Variants in ADGRL3 observed in about 807,000 individuals in gnomAD.
ADGRL3 encodes the protein adhesion G protein-coupled receptor L3.
ADGRL3 carries 62 observed loss-of-function variants against 153.5 expected under a neutral mutation model. That is an observed-to-expected ratio of 0.40 (90% CI 0.33 to 0.50). The LOEUF (loss-of-function observed/expected upper bound fraction) is 0.50, where lower values mean the gene tolerates loss of function less well. Among genes scored for constraint, ADGRL3 ranks in the 20% least tolerant of loss-of-function variants. The pLI, the probability that ADGRL3 is intolerant of heterozygous loss-of-function variation, is 0.47. For missense variants in ADGRL3, 1,641 were observed against 1,859.4 expected (o/e 0.88, Z 2.16); for synonymous variants, 710 against 672.5 (o/e 1.06, Z -0.86).
chr4:61,851,897 C>A (rs962861745), intron 9 of ADGRL3, among the ~76,000 whole-genome samples: 1 of 152,104 alleles, frequency 6.6e-6, no homozygotes, highest in East Asian at 1.9e-4. Flanking sequence ...ACTTGTTTTG[C>A]CACACACCTA....
chr4:61,709,948 A>G (rs1184899220), intron 6 of ADGRL3, among the ~76,000 whole-genome samples: 1 of 152,202 alleles, frequency 6.6e-6, no homozygotes, highest in Non-Finnish European at 1.5e-5. Flanking sequence ...ACCATGATAT[A>G]GCCATGCTAT....
At chr4:61,353,600 A>ATTTTTTTT (rs34199193) in intron 1 of ADGRL3, among the ~76,000 whole-genome samples, 3 of 118,840 alleles carry the variant, frequency 2.5e-5, no homozygotes, top group Non-Finnish European at 3.3e-5. Flanking sequence ...TTTTCTTTCA[A>ATTTTTTTT]TTTTTTTTTT....
At chr4:61,857,860 G>A (rs1037205068) in intron 9 of ADGRL3, among the ~76,000 whole-genome samples, 1 of 152,078 alleles carries the variant, frequency 6.6e-6, no homozygotes, top group East Asian at 1.9e-4. Flanking sequence ...CTGCAGGCAA[G>A]CACCACCATT....
chr4:61,980,304 T>C (rs1475795666), intron 18 of ADGRL3, among the ~76,000 whole-genome samples: 3 of 127,278 alleles, frequency 2.4e-5, no homozygotes, highest in African/African-American at 8.6e-5. Flanking sequence ...TGGTAACCAC[T>C]AATTTTTTTT....
intron 15 of ADGRL3, 36 bp from the exon 16 acceptor site, chr4:61,946,878 A>T: frequency 6.7e-7 from 1 of 1,482,288 alleles, no homozygotes; most frequent in Non-Finnish European, 9.4e-7. Flanking sequence ...ATTTAAGTAG[A>T]GTGGACAAAC....
intron 5 of ADGRL3, among the ~76,000 whole-genome samples, chr4:61,668,125 A>G (rs552882125): frequency 2.0e-5 from 3 of 152,272 alleles, no homozygotes; most frequent in East Asian, 3.9e-4. Flanking sequence ...ATTATCTTGG[A>G]TTATCAAGGT....
At chr4:61,929,111 T>G (rs561766092) in intron 13 of ADGRL3, among the ~76,000 whole-genome samples, 2 of 152,278 alleles carry the variant, frequency 1.3e-5, no homozygotes, top group East Asian at 3.9e-4. Context: ...TGTTGAAACT[T>G]ACTCCCCGGT....
At chr4:61,736,106 T>C (rs1013748952) in intron 8 of ADGRL3, among the ~76,000 whole-genome samples, 1 of 152,110 alleles carries the variant, frequency 6.6e-6, no homozygotes, top group Non-Finnish European at 1.5e-5. Flanking sequence ...AGTATACATA[T>C]TCATATGGTT....
intron 2 of ADGRL3, chr4:61,420,477 T>G (rs1396665729): frequency 1.4e-5 from 2 of 143,676 alleles, no homozygotes; most frequent in African/African-American, 5.2e-5. Flanking sequence ...CGCCATCTCG[T>G]CTCACTGAAA....
intron 5 of ADGRL3, among the ~76,000 whole-genome samples, chr4:61,599,450 A>G (rs2099001963): frequency 6.6e-6 from 1 of 152,186 alleles, no homozygotes; most frequent in Non-Finnish European, 1.5e-5. Context: ...CTCCCGCCTC[A>G]GCCTCCTGAG....
chr4:61,783,801 A>G (rs1351582678), intron 8 of ADGRL3, among the ~76,000 whole-genome samples: 1 of 152,088 alleles, frequency 6.6e-6, no homozygotes, highest in Non-Finnish European at 1.5e-5. Context: ...AATAATATAC[A>G]TCTTATTAAA....
In ADGRL3 at chr4:61,733,458, G is replaced by A; in HGVS notation, c.1303G>A (p.Val435Met). The change falls in exon 8 of 27, where the codon GTG becomes ATG. Residue 435 changes from valine to methionine, a missense_variant. By Grantham distance (21) the Val-to-Met change is conservative (BLOSUM62 1). Coordinates refer to ENST00000683033, the MANE Select transcript of ADGRL3 (RefSeq NM_001387552.1). ...FPNSYQYIAAVDYNPRDNLLY... is the reference protein window; with the variant it reads ...FPNSYQYIAAMDYNPRDNLLY... ...TAATTCATACCAGTACATTGCAGCT[G>A]TGGATTACAACCCCAGGGACAACCT... The A allele has an allele frequency of 6.2e-7, 1 of 1,613,646 alleles. No homozygotes were observed. Among genetic ancestry groups the A allele is most frequent in the Non-Finnish European group, 8.5e-7 (1 of 1,179,736 alleles).
chr4:61,385,488 C>T (rs2096725646), intron 2 of ADGRL3: 1 of 152,146 alleles, frequency 6.6e-6, no homozygotes, highest in Non-Finnish European at 1.5e-5. Context: ...GAATGTATAA[C>T]CTCACCTTCC....
chr4:61,849,047 A>G (rs1180439276), intron 9 of ADGRL3, among the ~76,000 whole-genome samples: 2 of 152,166 alleles, frequency 1.3e-5, no homozygotes, highest in Non-Finnish European at 2.9e-5. Flanking sequence ...AGCAAGTTAT[A>G]AGTTATACAC....
chr4:61,707,113 A>G (rs1211862553), intron 6 of ADGRL3, among the ~76,000 whole-genome samples: 1 of 152,202 alleles, frequency 6.6e-6, no homozygotes, highest in Non-Finnish European at 1.5e-5. Context: ...ATGGCTGATC[A>G]GTAGAGCAGT....
At chr4:61,603,003 T>A (rs2149548592) in intron 5 of ADGRL3, among the ~76,000 whole-genome samples, 1 of 152,308 alleles carries the variant, frequency 6.6e-6, no homozygotes, top group East Asian at 1.9e-4. Context: ...TATTGAATAA[T>A]TGAATTTCTT....
At chr4:61,818,732 A>G (rs2097716796) in intron 9 of ADGRL3, among the ~76,000 whole-genome samples, 2 of 152,082 alleles carry the variant, frequency 1.3e-5, no homozygotes, top group African/African-American at 4.8e-5. Context: ...GTCCTGATAG[A>G]TTCTACTTCT....
intron 2 of ADGRL3, among the ~76,000 whole-genome samples, chr4:61,404,905 A>G (rs2096974658): frequency 6.6e-6 from 1 of 152,056 alleles, no homozygotes; most frequent in Non-Finnish European, 1.5e-5. Flanking sequence ...TTGCAGAGGA[A>G]TATCTAACAA....
intron 21 of ADGRL3, among the ~76,000 whole-genome samples, chr4:62,001,543 A>G (rs2099140355): frequency 6.6e-6 from 1 of 152,230 alleles, no homozygotes; most frequent in African/African-American, 2.4e-5. Flanking sequence ...TATTTAAAAT[A>G]CATTATATTA....
Sources: gnomAD v4.1 joint callset for allele counts (sites outside exome capture counted in the v4.1 genomes callset) on GRCh38, gnomAD v4.1.1 for gene constraint, MANE v1.5 for transcripts, NCBI Gene and HGNC (gene_info 2026-07-23, HGNC 2026-07-21) for gene names.